The following MAML2 variants were observed in gnomAD, a reference collection of about 807,000 sequenced individuals.
The protein encoded by MAML2 is mastermind-like protein 2.
MAML2 carries 22 observed loss-of-function variants against 96.1 expected under a neutral mutation model. The observed-to-expected ratio is 0.23, with a 90% CI of 0.16 to 0.33. The LOEUF (loss-of-function observed/expected upper bound fraction) is 0.33, where lower values mean the gene tolerates loss of function less well. Ranked by LOEUF, MAML2 falls within the 10% of genes least tolerant of loss-of-function variation. The pLI is 1.00. For synonymous variants in MAML2, 561 were observed against 521.3 expected (o/e 1.08, Z -1.04); for missense variants, 1,367 against 1,392.4 (o/e 0.98, Z 0.29).
chr11:96,300,929 T>C (rs1042017631), intron 1 of MAML2, among the ~76,000 whole-genome samples: 1 of 152,202 alleles, frequency 6.6e-6, no homozygotes, highest in South Asian at 2.1e-4. Flanking sequence ...ATCCTATGCC[T>C]CAGTTTCCTT....
intron 1 of MAML2, among the ~76,000 whole-genome samples, chr11:96,150,815 G>A (rs1860906728): frequency 6.6e-6 from 1 of 152,034 alleles, no homozygotes; most frequent in African/African-American, 2.4e-5. Context: ...ACAGTTTCCA[G>A]GCCTCCCCAA....
intron 1 of MAML2, among the ~76,000 whole-genome samples, chr11:96,140,126 C>T (rs1860708057): frequency 6.6e-6 from 1 of 152,170 alleles, no homozygotes; most frequent in South Asian, 2.1e-4. Flanking sequence ...CCATCTTTAT[C>T]AGCTTTTGTT....
chr11:96,005,619 T>G (rs555601849), intron 2 of MAML2, among the ~76,000 whole-genome samples: 107 of 152,304 alleles, frequency 7.0e-4, no homozygotes, highest in African/African-American at 2.5e-3. Flanking sequence ...ATCAAGGTGG[T>G]TGTCTTCTGA....
At chr11:96,191,192 G>A (rs919446600) in intron 1 of MAML2, among the ~76,000 whole-genome samples, 3 of 152,158 alleles carry the variant, frequency 2.0e-5, no homozygotes, top group East Asian at 1.9e-4. Context: ...TAGGCCGGGC[G>A]CAGTGGCTCA....
intron 1 of MAML2, among the ~76,000 whole-genome samples, chr11:96,271,668 A>G (rs1862916914): frequency 6.6e-6 from 1 of 152,088 alleles, no homozygotes; most frequent in African/African-American, 2.4e-5. Context: ...CCCTCCCACC[A>G]TGATTGTAAG....
intron 1 of MAML2, among the ~76,000 whole-genome samples, chr11:96,120,125 T>C (rs528688436): frequency 6.6e-4 from 100 of 152,112 alleles, no homozygotes; most frequent in African/African-American, 2.2e-3. Context: ...GCCCGGCTAA[T>C]TTTTTGTATT....
intron 1 of MAML2, among the ~76,000 whole-genome samples, chr11:96,212,150 T>TGTGTGTGG (rs60072122): frequency 0.03 from 3,793 of 127,536 alleles, 93 homozygotes; most frequent in Non-Finnish European, 0.04. Flanking sequence ...TGTGTGTGTG[T>TGTGTGTGG]GGAAGGGGGA....
intron 1 of MAML2, among the ~76,000 whole-genome samples, chr11:96,284,435 G>C (rs1289884735): frequency 5.3e-5 from 8 of 152,042 alleles, no homozygotes; most frequent in African/African-American, 1.9e-4. Flanking sequence ...TCTTTTAATG[G>C]TTTCATCTTT....
At chr11:96,201,577 A>C (rs1673908741) in intron 1 of MAML2, among the ~76,000 whole-genome samples, 1 of 152,244 alleles carries the variant, frequency 6.6e-6, no homozygotes, top group Non-Finnish European at 1.5e-5. Context: ...TGAGTATAAA[A>C]GCTTAGACCA....
At chr11:96,190,653 C>G (rs1861640220) in intron 1 of MAML2, among the ~76,000 whole-genome samples, 1 of 152,146 alleles carries the variant, frequency 6.6e-6, no homozygotes, top group African/African-American at 2.4e-5. Flanking sequence ...GAAATGATCT[C>G]AACAAACTGA....
At chr11:96,165,406 A>G (rs1280561923) in intron 1 of MAML2, among the ~76,000 whole-genome samples, 1 of 152,218 alleles carries the variant, frequency 6.6e-6, no homozygotes, top group Admixed American at 6.5e-5. Context: ...TTTAAGAACC[A>G]AAGTTGTACC....
chr11:96,217,456 A>T (rs765632163), intron 1 of MAML2, among the ~76,000 whole-genome samples: 4 of 152,230 alleles, frequency 2.6e-5, no homozygotes, highest in Non-Finnish European at 4.4e-5. Context: ...GAGACACCAT[A>T]TTTAGATTCC....
rs1190249663 is a variant in MAML2 at position 96,180,345 on chromosome 11, G to A, written c.514-86828C>T. ...TGACTTCTCTGACCAACAAAATAGA[G>A]TGGCAGTAATGCTCTGTGACTTCCA... is the stretch of plus-strand genomic sequence containing the variant. On this transcript the variant is annotated intron_variant, in intron 1 of 4. Coordinates refer to ENST00000524717, the MANE Select transcript of MAML2 (RefSeq NM_032427.4). 3.9e-5 allele frequency among the ~76,000 whole-genome samples: 6 copies of A among 152,296 alleles called. No individual in the cohort carries two copies. The East Asian group carries it at 9.7e-4, about 25-fold the overall frequency.
Position 95,979,493 on chromosome 11 carries a change from G to T in MAML2, c.2926C>A (p.Gln976Lys). The T allele has an allele frequency of 6.2e-7, 1 of 1,613,606 alleles. No homozygotes were observed. The highest frequency in any genetic ancestry group is 1.1e-5 in the South Asian group (1 of 91,012). Residue 976 changes from glutamine (Q) to lysine (K), a missense_variant, in exon 5 of 5, where the codon CAA becomes AAA. Coordinates refer to ENST00000524717, the MANE Select transcript of MAML2 (RefSeq NM_032427.4). The part of the protein sequence containing the change: ...WASQEGTSKQ[Q>K]EALTSAGVRF... ...ACTCCTGCAGACGTCAGGGCTTCTT[G>T]CTGTTTGCTTGTTCCTTCTTGAGAG...
rs916537318 is a variant in MAML2 at position 96,194,223 on chromosome 11, A to C, written c.514-100706T>G. 6.6e-5 allele frequency among the ~76,000 whole-genome samples: 10 copies of C among 152,352 alleles called. No homozygotes were observed. In the South Asian group the frequency reaches 1.2e-3, roughly 19 times the overall value. On this transcript the variant is annotated intron_variant, in intron 1 of 4. Coordinates refer to ENST00000524717, the MANE Select transcript of MAML2 (RefSeq NM_032427.4). ...AATTGAACTGGAGGCTGGGGTGGGC[A>C]GTCTGGGGAGTGGGAAGTGGTGATT... is the stretch of plus-strand genomic sequence containing the variant.
intron 2 of MAML2, among the ~76,000 whole-genome samples, chr11:96,002,866 A>AC (rs1368510147): frequency 1.1e-4 from 7 of 63,294 alleles, no homozygotes; most frequent in East Asian, 6.4e-4. Context: ...GGGATGATGA[A>AC]ATGATGATGG....
intron 1 of MAML2, among the ~76,000 whole-genome samples, chr11:96,149,666 G>A (rs1056470519): frequency 6.6e-6 from 1 of 152,028 alleles, no homozygotes; most frequent in Admixed American, 6.6e-5. Context: ...CCCAGTAGGC[G>A]GAGGTTGCAG....
At chr11:96,300,721 T>A (rs921263496) in intron 1 of MAML2, among the ~76,000 whole-genome samples, 3 of 152,042 alleles carry the variant, frequency 2.0e-5, no homozygotes. Flanking sequence ...AAAGGGAGGA[T>A]CCCTGTATCG....
chr11:96,047,765 TG>T (rs1229129295), intron 2 of MAML2, among the ~76,000 whole-genome samples: 1 of 151,374 alleles, frequency 6.6e-6, no homozygotes, highest in Non-Finnish European at 1.5e-5. Context: ...AAAAATTAGC[TG>T]GGCATGGTGG....
Sources: allele counts gnomAD v4.1 joint callset (sites outside exome capture counted in the v4.1 genomes callset), GRCh38; gene constraint gnomAD v4.1.1; transcripts MANE v1.5; gene names NCBI Gene and HGNC (gene_info 2026-07-23, HGNC 2026-07-21).